The following GOLIM4 variants were observed in gnomAD, a reference collection of about 807,000 sequenced individuals.
GOLIM4 encodes the protein 130 kDa golgi-localized phosphoprotein.
GOLIM4 carries 71 observed loss-of-function variants against 107.4 expected under a neutral mutation model. The ratio of observed to expected loss-of-function variants is 0.66; its 90% CI spans 0.55 to 0.81. GOLIM4 has a LOEUF of 0.81. Ranked by LOEUF, GOLIM4 falls within the 30% of genes least tolerant of loss-of-function variation. The pLI, the probability that GOLIM4 is intolerant of heterozygous loss-of-function variation, is 0.00. For synonymous variants in GOLIM4, 327 were observed against 294.8 expected (o/e 1.11, Z -1.12); for missense variants, 830 against 826.1 (o/e 1.00, Z -0.06).
At chr3:168,048,443 G>A (rs1049916109) in intron 1 of GOLIM4, 78 bp from the exon 2 acceptor site, 6 of 696,250 alleles carry the variant, frequency 8.6e-6, no homozygotes, top group Non-Finnish European at 1.3e-5. Context: ...TTTAAAACAG[G>A]AAGAAAACAG....
chr3:168,022,346 A>C (rs1230692355), intron 14 of GOLIM4, among the ~76,000 whole-genome samples: 6 of 151,586 alleles, frequency 4.0e-5, no homozygotes, highest in South Asian at 4.2e-4. Flanking sequence ...AAAAAAAAAA[A>C]CAACAACAAC....
At chr3:168,077,834 A>C (rs936977617) in intron 1 of GOLIM4, among the ~76,000 whole-genome samples, 22 of 152,200 alleles carry the variant, frequency 1.4e-4, no homozygotes, top group Admixed American at 1.3e-3. Flanking sequence ...ATTTCCAAAA[A>C]TAAACTATAA....
chr3:168,069,939 C>T (rs1390419830), intron 1 of GOLIM4, among the ~76,000 whole-genome samples: 1 of 152,136 alleles, frequency 6.6e-6, no homozygotes, highest in African/African-American at 2.4e-5. Flanking sequence ...AAAGATGGTG[C>T]TACTAATTCA....
intron 11 of GOLIM4, among the ~76,000 whole-genome samples, chr3:168,028,060 A>C (rs1718106733): frequency 6.6e-6 from 1 of 152,210 alleles, no homozygotes; most frequent in African/African-American, 2.4e-5. Flanking sequence ...TTCTTCTAAA[A>C]TAAATATTTT....
At chr3:168,030,738 G>A (rs375208659) in intron 9 of GOLIM4, among the ~76,000 whole-genome samples, 3 of 152,272 alleles carry the variant, frequency 2.0e-5, no homozygotes, top group African/African-American at 4.8e-5. Flanking sequence ...GTGGAGAAAG[G>A]GGAACCCTCG....
intron 1 of GOLIM4, among the ~76,000 whole-genome samples, chr3:168,071,126 C>T (rs1720810068): frequency 6.6e-6 from 1 of 152,202 alleles, no homozygotes; most frequent in African/African-American, 2.4e-5. Context: ...TTAATGAAGG[C>T]TTCCAGCTCG....
Position 168,010,041 on chromosome 3 carries a change from ATTGT to A in GOLIM4, c.*224_*227del. ...GGACGTGGGGGCTCAGGTTTACTTT[ATTGT>A]TTTTCTTCTTTTTCATGTTTAGCTT... On this transcript the variant is annotated 3_prime_UTR_variant, in exon 16 of 16. Coordinates refer to ENST00000470487, the MANE Select transcript of GOLIM4 (RefSeq NM_014498.5). 2.7e-6 allele frequency: 1 copy of A among 371,782 alleles called. No homozygotes were observed. The highest frequency in any genetic ancestry group is 4.7e-6 in the Non-Finnish European group (1 of 212,412). The allele number at this position is 371,782 out of a possible 1,614,324, so 23.0% of individuals were successfully genotyped here.
chr3:168,042,498 C>T (rs1320950702), intron 5 of GOLIM4, among the ~76,000 whole-genome samples: 5 of 152,174 alleles, frequency 3.3e-5, no homozygotes, highest in Non-Finnish European at 7.3e-5. Flanking sequence ...CCAGGCTGGT[C>T]TCGAACTCCT....
intron 11 of GOLIM4, among the ~76,000 whole-genome samples, 194 bp downstream of exon 11, chr3:168,029,029 C>A (rs1325817726): frequency 6.6e-6 from 1 of 152,054 alleles, no homozygotes; most frequent in Non-Finnish European, 1.5e-5. Context: ...AGAGAGGAAA[C>A]AGATTATCTT....
In GOLIM4 at chr3:168,041,389, T is replaced by A. The variant is rs186748468; in HGVS notation, c.600+3A>T. ...AATAGTGAAACGTTTGGTTTTCTTT[T>A]ACCTTGACATCTTGAAGCTGTGTAT... On this transcript the variant is annotated splice_donor_region_variant and intron_variant, in intron 6 of 15. Transcript: ENST00000470487. 6.4e-7 allele frequency: 1 copy of A among 1,551,412 alleles called. No homozygotes were observed. The highest frequency in any genetic ancestry group is 2.3e-5 in the East Asian group (1 of 44,442).
chr3:168,060,624 A>G (rs1374689996), intron 1 of GOLIM4, among the ~76,000 whole-genome samples: 4 of 152,208 alleles, frequency 2.6e-5, no homozygotes, highest in African/African-American at 7.2e-5. Flanking sequence ...GTGGATAGGG[A>G]ATGTGTGGGA....
At position 168,021,662 on chromosome 3, in the gene GOLIM4, TCAAAAAA is replaced by T. The variant is rs543010941; in HGVS notation, c.1860+2857_1860+2863del. Among the ~76,000 whole-genome samples the T allele has an allele frequency of 5.0e-3, 753 of 151,450 alleles. 5 individuals are homozygous for T. The highest frequency in any genetic ancestry group is 0.014 in the Middle Eastern group (4 of 294). Reference sequence around the variant, plus strand: ...GCCTGGGTGACAGTCAGACTCTGTCTCAAAAAACAAAAAACAAAAAACAAAAAAAAAA... The same window carrying T: ...GCCTGGGTGACAGTCAGACTCTGTCTCAAAAAACAAAAAACAAAAAAAAAA... On this transcript the variant is annotated intron_variant, in intron 14 of 15. Transcript: ENST00000470487.
chr3:168,020,065 G>A (rs554963006), intron 14 of GOLIM4, among the ~76,000 whole-genome samples: 3 of 151,976 alleles, frequency 2.0e-5, no homozygotes, highest in African/African-American at 2.4e-5. Context: ...ACTTAATTAC[G>A]GTAGCCTTTA....
rs1430824685 is a variant in GOLIM4 at position 168,028,806 on chromosome 3, T to C, written c.1513+417A>G. Among the ~76,000 whole-genome samples the C allele has an allele frequency of 3.9e-5, 6 of 152,224 alleles. 1 individual carries two copies. Among genetic ancestry groups the C allele is most frequent in the Non-Finnish European group, 8.8e-5 (6 of 68,030 alleles). ...TTACATTCTGGTTCTATTATAACAG[T>C]AAGCAATATTTGATAAATTACATAT... is the stretch of plus-strand genomic sequence containing the variant. On this transcript the variant is annotated intron_variant, in intron 11 of 15. Transcript: ENST00000470487.
chr3:168,043,415 GGAGCTGCAA>G lies in GOLIM4; in HGVS notation c.472_480del (p.Leu158_Leu160del). ...GAAAGTTCTTGTTCTTTTTCTTGCT[GGAGCTGCAA>G]GTATTTTTGCTTATGGTCATTAAAT... On this transcript the variant is annotated inframe_deletion, in exon 5 of 16. Transcript: ENST00000470487. 6.2e-7 allele frequency: 1 copy of G among 1,608,460 alleles called. No homozygotes were observed. Among genetic ancestry groups the G allele is most frequent in the Non-Finnish European group, 8.5e-7 (1 of 1,178,132 alleles).
At chr3:168,074,902 C>A (rs1355327397) in intron 1 of GOLIM4, among the ~76,000 whole-genome samples, 2 of 152,068 alleles carry the variant, frequency 1.3e-5, no homozygotes, top group Non-Finnish European at 2.9e-5. Flanking sequence ...GGAATAGTCC[C>A]AGACAGAGAG....
At chr3:168,039,987 T>C (rs1260461070) in intron 7 of GOLIM4, among the ~76,000 whole-genome samples, 1 of 152,214 alleles carries the variant, frequency 6.6e-6, no homozygotes, top group East Asian at 1.9e-4. Flanking sequence ...AATAATTTTA[T>C]AAAGAAAAGA....
At chr3:168,043,964 AAG>A (rs1169451249) in intron 4 of GOLIM4, among the ~76,000 whole-genome samples, 2 of 152,208 alleles carry the variant, frequency 1.3e-5, no homozygotes, top group Non-Finnish European at 2.9e-5. Flanking sequence ...CTCAGTTTAA[AAG>A]AGAGAGAGTA....
At position 168,048,488 on chromosome 3, in the gene GOLIM4, T is replaced by C. The variant is rs1719440482; in HGVS notation, c.188-123A>G. 6.0e-5 allele frequency: 36 copies of C among 595,282 alleles called. No individual in the cohort carries two copies. In the South Asian group the frequency reaches 7.1e-4, roughly 12 times the overall value. 36.9% of individuals were successfully genotyped at this position (595,282 alleles called of 1,614,324 possible). On this transcript the variant is annotated intron_variant, in intron 1 of 15. Transcript: ENST00000470487. ...TTTACACAATTTAAATAAAAACATATGTGTTTTAAGTTCCCCTTTCCAGGT... is the reference window on the plus strand; with the variant it reads ...TTTACACAATTTAAATAAAAACATACGTGTTTTAAGTTCCCCTTTCCAGGT...
Sources: gnomAD v4.1 joint callset for allele counts (sites outside exome capture counted in the v4.1 genomes callset) on GRCh38, gnomAD v4.1.1 for gene constraint, MANE v1.5 for transcripts, NCBI Gene and HGNC (gene_info 2026-07-23, HGNC 2026-07-21) for gene names.